The following NOL4 variants were observed in gnomAD, a reference collection of about 807,000 sequenced individuals.
The protein encoded by NOL4 is cancer/testis antigen 125.
A neutral mutation model predicts 75.9 loss-of-function variants in NOL4; 17 were observed. The observed-to-expected ratio is 0.22, with a 90% CI of 0.15 to 0.34. NOL4 has a LOEUF of 0.34. NOL4 is among the 10% of genes least tolerant of loss of function. NOL4 has a pLI of 1.00. For missense variants in NOL4, 614 were observed against 793.5 expected (o/e 0.77, Z 2.72); for synonymous variants, 292 against 289.9 (o/e 1.01, Z -0.07).
rs538345972 is a variant in NOL4, at chr18:34,108,833, A to T, written c.415-3673T>A. 6.6e-5 allele frequency among the ~76,000 whole-genome samples: 10 copies of T among 152,288 alleles called. No individual in the cohort carries two copies. In the South Asian group the frequency reaches 2.1e-3, roughly 32 times the overall value. ...AAACAGCAGACTTGAACAACACTAG[A>T]AACTGAATGAACCTAATGGACATAT... On this transcript the variant is annotated intron_variant, in intron 2 of 10. Transcript: ENST00000261592.
chr18:34,069,437 T>C (rs1013186344), intron 5 of NOL4, among the ~76,000 whole-genome samples: 79 of 152,214 alleles, frequency 5.2e-4, no homozygotes, highest in African/African-American at 1.9e-3. Flanking sequence ...ATTATGTAAT[T>C]AGAATCTCAA....
intron 1 of NOL4, among the ~76,000 whole-genome samples, chr18:34,152,634 G>A (rs554721211): frequency 1.3e-5 from 2 of 151,880 alleles, no homozygotes; most frequent in Non-Finnish European, 2.9e-5. Context: ...TATGGAACAA[G>A]AGTTTGTCCG....
chr18:34,073,184 G>A (rs191675421), intron 5 of NOL4, among the ~76,000 whole-genome samples: 295 of 151,930 alleles, frequency 1.9e-3, no homozygotes, highest in Middle Eastern at 6.8e-3. Flanking sequence ...AACCAATCAG[G>A]AAAATAATAA....
At chr18:34,181,381 A>G (rs901718620) in intron 1 of NOL4, among the ~76,000 whole-genome samples, 3 of 151,544 alleles carry the variant, frequency 2.0e-5, no homozygotes, top group Admixed American at 6.6e-5. Flanking sequence ...TTAAAAATGA[A>G]TTTGAATACC....
intron 2 of NOL4, among the ~76,000 whole-genome samples, chr18:34,121,926 G>A (rs942085197): frequency 6.6e-6 from 1 of 152,148 alleles, no homozygotes; most frequent in Non-Finnish European, 1.5e-5. Flanking sequence ...AATGCCACCT[G>A]TCTGCCCCTA....
intron 1 of NOL4, among the ~76,000 whole-genome samples, chr18:34,193,429 G>T (rs901949249): frequency 1.3e-5 from 2 of 152,006 alleles, no homozygotes; most frequent in Admixed American, 1.3e-4. Context: ...ATGAGCAAAG[G>T]ATTTGAACAG....
chr18:33,852,916 C>T lies in NOL4; in HGVS notation c.1843G>A (p.Gly615Arg), dbSNP rs267605177. Residue 615 changes from glycine (G) to arginine (R), a missense_variant, in exon 11 of 11, where the codon GGA becomes AGA. Gly to Arg is a moderately radical substitution (Grantham distance 125). Transcript: ENST00000261592. ...AAAAATGCAGCTGATTCTCGATATC[C>T]TGCAACAAGCTGTCTCACGGCATTG... ...EINAVRQLVA[G>R]YRESAAFLLR... 6.2e-7 allele frequency: 1 copy of T among 1,613,118 alleles called. No individual in the cohort carries two copies. Among genetic ancestry groups the T allele is most frequent in the Non-Finnish European group, 8.5e-7 (1 of 1,179,484 alleles).
At chr18:34,115,225 T>G (rs548312907) in intron 2 of NOL4, among the ~76,000 whole-genome samples, 2 of 152,250 alleles carry the variant, frequency 1.3e-5, no homozygotes, top group African/African-American at 4.8e-5. Flanking sequence ...CCTTTCCTTT[T>G]TTGGACATAC....
At chr18:34,096,729 C>T (rs777029843) in intron 4 of NOL4, among the ~76,000 whole-genome samples, 1 of 152,094 alleles carries the variant, frequency 6.6e-6, no homozygotes, top group Non-Finnish European at 1.5e-5. Flanking sequence ...GGCCAGAGAC[C>T]ATAGTAATTC....
rs2079158192 is a variant in NOL4 at position 34,104,067 on chromosome 18, G to A, written c.619C>T (p.Leu207=). ...AYMKHMKLQL[L]NSQQDEDESS... ...TTTACCTCATCTTGCTGTGAGTTTA[G>A]CAGCTGCAGCTTCATGTGTTTCATG... is the stretch of plus-strand genomic sequence containing the variant. The change falls in exon 4 of 11, where the codon CTA becomes TTA. Residue 207 remains leucine, a synonymous_variant. Transcript: ENST00000261592. 1.9e-6 allele frequency: 3 copies of A among 1,610,262 alleles called. No homozygotes were observed. The highest frequency in any genetic ancestry group is 2.5e-6 in the Non-Finnish European group (3 of 1,177,046).
chr18:34,207,378 A>C (rs1169121148), intron 1 of NOL4, among the ~76,000 whole-genome samples: 1 of 152,204 alleles, frequency 6.6e-6, no homozygotes, highest in African/African-American at 2.4e-5. Flanking sequence ...TTAGACTGAC[A>C]CCAAAAATTC....
chr18:34,131,073 GACACACACAC>G (rs35968611), intron 1 of NOL4, among the ~76,000 whole-genome samples: 19 of 145,434 alleles, frequency 1.3e-4, no homozygotes, highest in African/African-American at 3.0e-4. Context: ...CACATACACC[GACACACACAC>G]ACACACACAC....
chr18:34,150,938 AG>A (rs2081612975), intron 1 of NOL4, among the ~76,000 whole-genome samples: 1 of 151,800 alleles, frequency 6.6e-6, no homozygotes. Flanking sequence ...AATGTACAAA[AG>A]ATCTGAACAG....
intron 10 of NOL4, among the ~76,000 whole-genome samples, chr18:33,875,861 G>A (rs1256323631): frequency 6.6e-6 from 1 of 152,000 alleles, no homozygotes; most frequent in African/African-American, 2.4e-5. Flanking sequence ...GAATGCATAT[G>A]TATAATGGGA....
At chr18:34,029,195 T>A (rs1350547700) in intron 5 of NOL4, among the ~76,000 whole-genome samples, 1 of 152,140 alleles carries the variant, frequency 6.6e-6, no homozygotes, top group Non-Finnish European at 1.5e-5. Context: ...GTTTAGACAA[T>A]AAACTATATG....
chr18:34,024,522 C>T (rs147354913), intron 5 of NOL4, among the ~76,000 whole-genome samples: 21 of 152,022 alleles, frequency 1.4e-4, no homozygotes, highest in African/African-American at 4.6e-4. Flanking sequence ...CTCCTTTACC[C>T]CTTGTGGTCT....
At chr18:33,890,967 A>G (rs1320752714) in intron 9 of NOL4, among the ~76,000 whole-genome samples, 3 of 151,948 alleles carry the variant, frequency 2.0e-5, no homozygotes, top group Non-Finnish European at 4.4e-5. Flanking sequence ...CACCTCACAC[A>G]CTATCCATCA....
At chr18:33,875,393 T>C (rs1464206373) in intron 10 of NOL4, among the ~76,000 whole-genome samples, 1 of 152,050 alleles carries the variant, frequency 6.6e-6, no homozygotes, top group East Asian at 1.9e-4. Context: ...TTTGGATTGT[T>C]GGGTGCAGCC....
intron 1 of NOL4, among the ~76,000 whole-genome samples, chr18:34,203,310 T>C (rs1300811126): frequency 1.3e-5 from 2 of 151,856 alleles, no homozygotes; most frequent in Non-Finnish European, 2.9e-5. Context: ...TGGATGTGAT[T>C]ATAAAAGAGC....
Sources: gnomAD v4.1 joint callset for allele counts (sites outside exome capture counted in the v4.1 genomes callset) on GRCh38, gnomAD v4.1.1 for gene constraint, MANE v1.5 for transcripts, NCBI Gene and HGNC (gene_info 2026-07-23, HGNC 2026-07-21) for gene names.